CNOT1: variants seen among roughly 807,000 people sequenced by gnomAD.
CNOT1 encodes the protein CCR4-associated factor 1.
A neutral mutation model predicts 273.8 loss-of-function variants in CNOT1; 15 were observed. That is an observed-to-expected ratio of 0.05 (90% CI 0.04 to 0.08). The LOEUF is 0.08. Ranked by LOEUF, CNOT1 falls within the 10% of genes least tolerant of loss-of-function variation. The pLI, the probability that CNOT1 is intolerant of heterozygous loss-of-function variation, is 1.00. For synonymous variants in CNOT1, 1,022 were observed against 1,005.5 expected (o/e 1.02, Z -0.31); for missense variants, 1,644 against 2,912.2 (o/e 0.56, Z 10.02).
At position 58,614,544 on chromosome 16, in the gene CNOT1, A is replaced by G. The variant is rs972191487; in HGVS notation, c.-174-15033T>C. On this transcript the variant is annotated intron_variant, in intron 1 of 48. Coordinates refer to ENST00000317147, the MANE Select transcript of CNOT1 (RefSeq NM_016284.5). ...GCTTCCCTGCTAGGCAACATTTCAC[A>G]TACACGTGCTGTCGCAACTCCATGC... Among the ~76,000 whole-genome samples the G allele has an allele frequency of 1.6e-5, 2 of 124,148 alleles. 1 individual carries two copies. The highest frequency in any genetic ancestry group is 3.8e-5 in the Non-Finnish European group (2 of 52,246). The allele number at this position is 124,148 out of a possible 152,430, so 81.4% of individuals were successfully genotyped here.
intron 39 of CNOT1, among the ~76,000 whole-genome samples, chr16:58,535,067 T>A (rs571589202): frequency 6.6e-6 from 1 of 152,210 alleles, no homozygotes; most frequent in Non-Finnish European, 1.5e-5. Flanking sequence ...GGGAATGTTA[T>A]TTGGCTAGTT....
At position 58,542,522 on chromosome 16, in the gene CNOT1, T is replaced by A. The variant is rs963008116; in HGVS notation, c.4481A>T (p.Gln1494Leu). Residue 1494 changes from glutamine to leucine, a missense_variant, in exon 32 of 49, where the codon CAA (glutamine) becomes CTA (leucine). Physicochemically the swap from Gln to Leu is moderately radical, Grantham distance 113. Transcript: ENST00000317147. Reference sequence around the variant, plus strand: ...CAACTCACAATTGTCCTGAGCTAATTGAGCAGCTGCCTGATCCATCATTTC... The same window carrying A: ...CAACTCACAATTGTCCTGAGCTAATAGAGCAGCTGCCTGATCCATCATTTC... ...QREMMDQAAA[Q>L]LAQDNCELAC... 1.3e-6 allele frequency: 2 copies of A among 1,534,062 alleles called. No homozygotes were observed. The highest frequency in any genetic ancestry group is 3.8e-5 in the Admixed American group (2 of 53,048).
chr16:58,602,430 A>T (rs2042500096), intron 1 of CNOT1, among the ~76,000 whole-genome samples: 1 of 151,728 alleles, frequency 6.6e-6, no homozygotes, highest in Admixed American at 6.6e-5. Context: ...GTGCACACCT[A>T]TAATCCCAGC....
At chr16:58,557,720 G>A (rs951181482) in intron 18 of CNOT1, among the ~76,000 whole-genome samples, 1 of 152,214 alleles carries the variant, frequency 6.6e-6, no homozygotes, top group East Asian at 1.9e-4. Context: ...CAAGCGCAGT[G>A]GCTCATGCCT....
intron 16 of CNOT1, among the ~76,000 whole-genome samples, chr16:58,562,582 G>C (rs1261533457): frequency 6.6e-6 from 1 of 151,872 alleles, no homozygotes. Context: ...CCAGCACTTC[G>C]GGAGACAGAG....
rs755152417 is a variant in CNOT1, at chr16:58,549,830, C to G, written c.3411G>C (p.Lys1137Asn). The stretch of plus-strand genomic sequence containing the variant: ...GAAAGTTTGGCTCAATACTGACTCT[C>G]TTCATAACCAGATACTGTGAAACCC... ...MPWVSQYLVM[K>N]RVSIEPNFHS... The change falls in exon 25 of 49, where the codon AAG becomes AAC. Residue 1137 changes from lysine (K) to asparagine (N), a missense_variant. Lys to Asn is a moderately conservative substitution (Grantham distance 94). This residue lies in a region of CNOT1 where 124 missense variants were observed against 289.3 expected (regional missense o/e 0.43). Coordinates refer to ENST00000317147, the MANE Select transcript of CNOT1 (RefSeq NM_016284.5). The G allele has an allele frequency of 4.0e-5, 64 of 1,614,080 alleles. No homozygotes were observed. Among genetic ancestry groups the G allele is most frequent in the Non-Finnish European group, 5.3e-5 (62 of 1,179,994 alleles).
intron 1 of CNOT1, among the ~76,000 whole-genome samples, chr16:58,601,734 T>TAAAGAAAAAAAAAAAA (rs2042471030): frequency 1.1e-5 from 1 of 91,514 alleles, no homozygotes; most frequent in Non-Finnish European, 2.2e-5. Flanking sequence ...ATACCCACCT[T>TAAAGAAAAAAAAAAAA]AAAAAAAAAA....
Position 58,556,941 on chromosome 16 carries a change from T to A in CNOT1, c.2385A>T (p.Gly795=). The A allele has an allele frequency of 6.2e-7, 1 of 1,614,026 alleles. No homozygotes were observed. Among genetic ancestry groups the A allele is most frequent in the Non-Finnish European group, 8.5e-7 (1 of 1,180,006 alleles). ...AAGGGTCGTTATTCACTGCAGGGAG[T>A]CCAAGAGCACCAGTTCCTATACCAG... ...SLTGIGTGAL[G]LPAVNNDPFV... The change falls in exon 19 of 49, where the codon GGA becomes GGT. Residue 795 remains glycine (G), a synonymous_variant. Coordinates refer to ENST00000317147, the MANE Select transcript of CNOT1 (RefSeq NM_016284.5).
chr16:58,543,920 G>A lies in CNOT1; in HGVS notation c.4138-17C>T. The A allele has an allele frequency of 6.3e-7, 1 of 1,579,730 alleles. No homozygotes were observed. ...CAAGGGAATCTGGGGGGTTGGGGAGGACAAAGTCAACACCTTGTTTAAATA... is the reference window on the plus strand; with the variant it reads ...CAAGGGAATCTGGGGGGTTGGGGAGAACAAAGTCAACACCTTGTTTAAATA... On this transcript the variant is annotated splice_polypyrimidine_tract_variant and intron_variant, in intron 30 of 48. Transcript: ENST00000317147.
chr16:58,574,488 C>G (rs2041394270), intron 16 of CNOT1, 121 bp downstream of exon 16: 1 of 978,864 alleles, frequency 1.0e-6, no homozygotes, highest in Non-Finnish European at 1.5e-6. Context: ...GGACTTTGGA[C>G]TTAAAACCAT....
chr16:58,576,941 A>G (rs1353524081), intron 13 of CNOT1, among the ~76,000 whole-genome samples: 3 of 152,250 alleles, frequency 2.0e-5, no homozygotes, highest in African/African-American at 7.2e-5. Flanking sequence ...TTACTGGTAT[A>G]TAAATAAAAA....
At chr16:58,544,708 T>C (rs1278414321) in intron 30 of CNOT1, among the ~76,000 whole-genome samples, 1 of 152,166 alleles carries the variant, frequency 6.6e-6, no homozygotes, top group African/African-American at 2.4e-5. Flanking sequence ...TTCTAAAAAG[T>C]AAGGACAATG....
In CNOT1 at chr16:58,547,504, C is replaced by T; in HGVS notation, c.3639+62G>A. 6.4e-7 allele frequency: 1 copy of T among 1,554,264 alleles called. No homozygotes were observed. Among genetic ancestry groups the T allele is most frequent in the Non-Finnish European group, 8.7e-7 (1 of 1,148,850 alleles). On this transcript the variant is annotated intron_variant, in intron 26 of 48. Transcript: ENST00000317147. The surrounding 1 kb of genome is among the most constrained non-coding windows in gnomAD (Gnocchi z 4.0). ...TAATCATTAAATAGCTCCAAACAGC[C>T]AATACTTGTAATCATAATGTGCTGA...
chr16:58,573,380 G>A (rs1020179990), intron 16 of CNOT1, among the ~76,000 whole-genome samples: 8 of 151,262 alleles, frequency 5.3e-5, no homozygotes, highest in African/African-American at 1.2e-4. Flanking sequence ...CCAGATTCAC[G>A]GATTAAAAAG....
chr16:58,599,372 G>A lies in CNOT1; in HGVS notation c.-35C>T, dbSNP rs1006771060. The A allele has an allele frequency of 1.2e-6, 2 of 1,613,642 alleles. No homozygotes were observed. The highest frequency in any genetic ancestry group is 1.3e-5 in the African/African-American group (1 of 74,908). On this transcript the variant is annotated 5_prime_UTR_variant, in exon 2 of 49. Transcript: ENST00000317147. ...GGGCGGAAGCAGGCGGCCGAGCCCGGCGCAAAATCACCATTATTCCCCTTT... is the reference window on the plus strand; with the variant it reads ...GGGCGGAAGCAGGCGGCCGAGCCCGACGCAAAATCACCATTATTCCCCTTT...
chr16:58,587,677 T>G (rs2041920321), intron 4 of CNOT1, 103 bp downstream of exon 4: 1 of 1,349,780 alleles, frequency 7.4e-7, no homozygotes, highest in Admixed American at 2.5e-5. Context: ...AATAACAACC[T>G]GAAATTTTTA....
intron 41 of CNOT1, 54 bp downstream of exon 41, chr16:58,532,178 T>G: frequency 1.9e-6 from 3 of 1,605,674 alleles, no homozygotes; most frequent in Non-Finnish European, 2.6e-6. Context: ...CTCCCAAAAT[T>G]TTACTACATT....
chr16:58,560,431 A>G, intron 16 of CNOT1, 69 bp from the exon 17 acceptor site: 1 of 1,477,024 alleles, frequency 6.8e-7, no homozygotes, highest in Non-Finnish European at 8.9e-7. Flanking sequence ...AAACCAACCG[A>G]TCTGATTTTT....
At chr16:58,553,752 A>C (rs1035228815) in intron 22 of CNOT1, 30 bp downstream of exon 22, 1 of 1,601,698 alleles carries the variant, frequency 6.2e-7, no homozygotes, top group South Asian at 1.1e-5. Context: ...CTACATAGCT[A>C]TTTGGGTTTT....
Sources: gnomAD v4.1 joint callset for allele counts (sites outside exome capture counted in the v4.1 genomes callset) on GRCh38, gnomAD v4.1.1 for gene constraint, gnomAD v4.1.1 regional missense constraint, Gnocchi (gnomAD v3.1) non-coding constraint, MANE v1.5 for transcripts, NCBI Gene and HGNC (gene_info 2026-07-23, HGNC 2026-07-21) for gene names.